The following MAP3K5 variants were observed in gnomAD, a reference collection of about 807,000 sequenced individuals.
The protein encoded by MAP3K5 is mitogen-activated protein kinase kinase kinase 5.
A neutral mutation model predicts 158.7 loss-of-function variants in MAP3K5; 56 were observed. The ratio of observed to expected loss-of-function variants is 0.35; its 90% CI spans 0.28 to 0.44. The LOEUF (loss-of-function observed/expected upper bound fraction) is 0.44, where lower values mean the gene tolerates loss of function less well. Ranked by LOEUF, MAP3K5 falls within the 20% of genes least tolerant of loss-of-function variation. The pLI is 1.00. For synonymous variants in MAP3K5, 579 were observed against 601.7 expected, an observed-to-expected ratio of 0.96 and a Z score of 0.55; for missense variants, 1,294 against 1,674.8, an observed-to-expected ratio of 0.77 and a Z score of 3.97.
chr6:136,587,646 T>C (rs1226510167), intron 23 of MAP3K5, among the ~76,000 whole-genome samples: 1 of 152,154 alleles, frequency 6.6e-6, no homozygotes, highest in Non-Finnish European at 1.5e-5. Context: ...GAATCACCAT[T>C]TGATGTCACA....
At chr6:136,595,616 G>A (rs1775590833) in intron 21 of MAP3K5, among the ~76,000 whole-genome samples, 1 of 152,218 alleles carries the variant, frequency 6.6e-6, no homozygotes, top group South Asian at 2.1e-4. Flanking sequence ...CTGAATGGAT[G>A]CATATCGTAC....
At chr6:136,650,120 C>G (rs903911240) in intron 11 of MAP3K5, among the ~76,000 whole-genome samples, 16 of 152,214 alleles carry the variant, frequency 1.1e-4, no homozygotes. Flanking sequence ...ATTTTGGACA[C>G]AGCTGTTTCC....
At chr6:136,585,473 C>A (rs9494540) in intron 23 of MAP3K5, among the ~76,000 whole-genome samples, 6,720 of 135,126 alleles carry the variant, frequency 0.05, 268 homozygotes, top group Middle Eastern at 0.07. Context: ...CTTTTCTTTT[C>A]TTTATTTATT....
At chr6:136,779,675 T>C (rs1784538437) in intron 1 of MAP3K5, among the ~76,000 whole-genome samples, 1 of 152,136 alleles carries the variant, frequency 6.6e-6, no homozygotes. Context: ...TTTGGAACAG[T>C]CTAAACTACT....
intron 2 of MAP3K5, among the ~76,000 whole-genome samples, chr6:136,718,797 C>T (rs896794310): frequency 2.0e-5 from 3 of 152,054 alleles, no homozygotes. Flanking sequence ...AAAATTAAAC[C>T]ACCAGATACT....
chr6:136,697,458 T>C (rs1392195578), intron 4 of MAP3K5, 71 bp from the exon 5 acceptor site: 1 of 1,293,450 alleles, frequency 7.7e-7, no homozygotes, highest in African/African-American at 1.5e-5. Context: ...ATAATTTTAA[T>C]AAAGACATGA....
chr6:136,739,771 A>C (rs185538228), intron 1 of MAP3K5, among the ~76,000 whole-genome samples: 1 of 152,346 alleles, frequency 6.6e-6, no homozygotes, highest in Non-Finnish European at 1.5e-5. Flanking sequence ...CTGAATAAAT[A>C]TTCCAGTTTG....
At chr6:136,670,024 T>G (rs1320903609) in intron 7 of MAP3K5, among the ~76,000 whole-genome samples, 1 of 151,932 alleles carries the variant, frequency 6.6e-6, no homozygotes, top group African/African-American at 2.4e-5. Flanking sequence ...CACACTGAAA[T>G]GATCAATTCC....
chr6:136,769,927 A>G (rs887299823), intron 1 of MAP3K5, among the ~76,000 whole-genome samples: 1 of 150,968 alleles, frequency 6.6e-6, no homozygotes, highest in Admixed American at 6.6e-5. Flanking sequence ...GGAGGAAGAG[A>G]AAAAGAGACA....
chr6:136,775,877 C>T (rs1784385568), intron 1 of MAP3K5, among the ~76,000 whole-genome samples: 1 of 152,236 alleles, frequency 6.6e-6, no homozygotes, highest in East Asian at 1.9e-4. Context: ...AGATCTGGCC[C>T]TTCTTGGGCT....
intron 2 of MAP3K5, among the ~76,000 whole-genome samples, chr6:136,719,628 T>C (rs1298204148): frequency 6.6e-6 from 1 of 152,226 alleles, no homozygotes; most frequent in Non-Finnish European, 1.5e-5. Flanking sequence ...GGGTTAGAGA[T>C]ACTCATATAA....
Position 136,789,500 on chromosome 6 carries a change from G to C in MAP3K5, c.448+2210C>G, listed in dbSNP as rs977445674. 3.3e-5 allele frequency among the ~76,000 whole-genome samples: 5 copies of C among 151,876 alleles called. No individual in the cohort carries two copies. In the South Asian group the frequency reaches 8.3e-4, roughly 25 times the overall value. Reference sequence around the variant, plus strand: ...AGAAGCAGTACGAAGGGACAGAGTGGGCGCAGGAAAAAGAGGCTTCCGAGA... The same window carrying C: ...AGAAGCAGTACGAAGGGACAGAGTGCGCGCAGGAAAAAGAGGCTTCCGAGA... On this transcript the variant is annotated intron_variant, in intron 1 of 29. Coordinates refer to ENST00000359015, the MANE Select transcript of MAP3K5 (RefSeq NM_005923.4).
chr6:136,775,631 G>C (rs1270806742), intron 1 of MAP3K5, among the ~76,000 whole-genome samples: 2 of 152,174 alleles, frequency 1.3e-5, no homozygotes, highest in African/African-American at 2.4e-5. Flanking sequence ...TGTGAAAACA[G>C]AAAAATCATG....
At chr6:136,707,557 TGG>T (rs71547040) in intron 2 of MAP3K5, among the ~76,000 whole-genome samples, 64 of 143,290 alleles carry the variant, frequency 4.5e-4, no homozygotes, top group African/African-American at 1.2e-3. Flanking sequence ...AAGAGGTACT[TGG>T]GGGGGGGGGG....
chr6:136,619,915 A>G (rs1239492380), intron 15 of MAP3K5, among the ~76,000 whole-genome samples: 1 of 152,252 alleles, frequency 6.6e-6, no homozygotes, highest in African/African-American at 2.4e-5. Context: ...AGCTGGATAC[A>G]TGGGGAGACA....
At chr6:136,588,189 C>T (rs1231475673) in intron 23 of MAP3K5, among the ~76,000 whole-genome samples, 13 of 152,184 alleles carry the variant, frequency 8.5e-5, no homozygotes, top group Admixed American at 8.5e-4. Context: ...CTAATCCCCA[C>T]CCCACTTTAT....
chr6:136,574,683 CTTTTT>C (rs1223054758), intron 25 of MAP3K5, among the ~76,000 whole-genome samples: 8 of 108,550 alleles, frequency 7.4e-5, no homozygotes, highest in Non-Finnish European at 1.2e-4. Context: ...AGATTAAACA[CTTTTT>C]TTTTTTTTTT....
intron 1 of MAP3K5, among the ~76,000 whole-genome samples, chr6:136,769,763 GGAAGGAAGGAAGGAAGGAAGGAAGGA>G (rs1562690999): frequency 2.1e-3 from 76 of 36,798 alleles, no homozygotes; most frequent in African/African-American, 9.5e-3. Context: ...AAGGAAGGAA[GGAAGGAAGGAAGGAAGGAAGGAAGGA>G]AGGAAGGGAG....
chr6:136,571,270 C>T (rs998870791), intron 25 of MAP3K5, among the ~76,000 whole-genome samples: 6 of 152,142 alleles, frequency 3.9e-5, no homozygotes, highest in East Asian at 1.9e-4. Flanking sequence ...CTCCAATGTC[C>T]GTGTACCTTA....
Sources: gnomAD v4.1 joint callset for allele counts (sites outside exome capture counted in the v4.1 genomes callset) on GRCh38, gnomAD v4.1.1 for gene constraint, MANE v1.5 for transcripts, NCBI Gene and HGNC (gene_info 2026-07-23, HGNC 2026-07-21) for gene names.